TMEM242: variants seen among roughly 807,000 people sequenced by gnomAD.
The protein encoded by TMEM242 is UPF0463 transmembrane protein C6orf35.
Under a neutral mutation model 18.2 loss-of-function variants are expected in TMEM242, and 10 were observed. The observed-to-expected ratio is 0.55, with a 90% CI of 0.34 to 0.93. TMEM242 has a LOEUF of 0.93. Ranked by LOEUF, TMEM242 falls within the 40% of genes least tolerant of loss-of-function variation. The pLI, the probability that TMEM242 is intolerant of heterozygous loss-of-function variation, is 0.02. For synonymous variants in TMEM242, 57 were observed against 69.9 expected (o/e 0.81, Z 0.92); for missense variants, 186 against 175.5 (o/e 1.06, Z -0.34).
At chr6:157,295,592 G>C (rs1344516951) in intron 3 of TMEM242, among the ~76,000 whole-genome samples, 1 of 152,228 alleles carries the variant, frequency 6.6e-6, no homozygotes, top group African/African-American at 2.4e-5. Context: ...GAGGCCAGGG[G>C]AGGAGAGCAA....
chr6:157,310,420 C>A (rs918161320), intron 3 of TMEM242, among the ~76,000 whole-genome samples: 3 of 144,680 alleles, frequency 2.1e-5, no homozygotes, highest in Non-Finnish European at 4.6e-5. Flanking sequence ...ACTCACCTGG[C>A]CTCATCATAG....
At chr6:157,313,358 CTGGCCTCATCA>C in intron 3 of TMEM242, among the ~76,000 whole-genome samples, 1 of 144,498 alleles carries the variant, frequency 6.9e-6, no homozygotes, top group South Asian at 2.2e-4. Flanking sequence ...GTGCGCTCAC[CTGGCCTCATCA>C]TAGTGCCTCA....
At chr6:157,320,998 CTT>C (rs201521248) in intron 2 of TMEM242, among the ~76,000 whole-genome samples, 152 of 135,588 alleles carry the variant, frequency 1.1e-3, no homozygotes, top group African/African-American at 3.1e-3. Flanking sequence ...TTTCCCATTT[CTT>C]TTTTTTTTTT....
chr6:157,306,211 G>C (rs1777917385), intron 3 of TMEM242, among the ~76,000 whole-genome samples: 1 of 152,230 alleles, frequency 6.6e-6, no homozygotes, highest in Admixed American at 6.5e-5. Context: ...GAAAGGCAGT[G>C]TGCGTGTTAA....
chr6:157,312,646 G>C (rs797026731), intron 3 of TMEM242, among the ~76,000 whole-genome samples: 1 of 2,544 alleles, frequency 3.9e-4, no homozygotes, highest in African/African-American at 1.3e-3. Flanking sequence ...GCACTCACCC[G>C]GCCTCATCAT....
At chr6:157,293,259 G>C (rs1777707728) in intron 3 of TMEM242, among the ~76,000 whole-genome samples, 1 of 152,160 alleles carries the variant, frequency 6.6e-6, no homozygotes, top group Non-Finnish European at 1.5e-5. Flanking sequence ...GCTCACACCT[G>C]TAGTCCTAGC....
At chr6:157,322,437 T>C (rs1554250792) in intron 2 of TMEM242, among the ~76,000 whole-genome samples, 1 of 152,186 alleles carries the variant, frequency 6.6e-6, no homozygotes, top group African/African-American at 2.4e-5. Context: ...GGCCCAAATT[T>C]AGATTCAAAG....
intron 3 of TMEM242, among the ~76,000 whole-genome samples, chr6:157,294,036 T>G (rs943687162): frequency 3.3e-5 from 5 of 152,040 alleles, no homozygotes; most frequent in African/African-American, 4.8e-5. Context: ...GATCTTAACA[T>G]GCAGTGTCAC....
At chr6:157,323,326 T>C (rs1778526998) in intron 1 of TMEM242, 86 bp downstream of exon 1, 7 of 1,383,426 alleles carry the variant, frequency 5.1e-6, no homozygotes, top group Admixed American at 3.7e-5. Flanking sequence ...CAGAGCGGGA[T>C]GTGTGTGGGA....
intron 3 of TMEM242, among the ~76,000 whole-genome samples, chr6:157,313,292 G>A (rs797022796): frequency 2.1e-3 from 10 of 4,768 alleles, no homozygotes; most frequent in South Asian, 0.012. Flanking sequence ...GCGCTCATCC[G>A]GCATCATCAT....
chr6:157,306,521 C>T (rs1777920525), intron 3 of TMEM242, among the ~76,000 whole-genome samples: 1 of 152,038 alleles, frequency 6.6e-6, no homozygotes. Flanking sequence ...TAGTTGGGGA[C>T]AAATGACAGT....
At chr6:157,297,215 C>T (rs182548963) in intron 3 of TMEM242, among the ~76,000 whole-genome samples, 5 of 152,314 alleles carry the variant, frequency 3.3e-5, no homozygotes, top group Admixed American at 6.5e-5. Flanking sequence ...AGTGCCATGG[C>T]TGGTAAGAGC....
At chr6:157,300,807 C>T (rs191802501) in intron 3 of TMEM242, among the ~76,000 whole-genome samples, 1 of 152,034 alleles carries the variant, frequency 6.6e-6, no homozygotes, top group African/African-American at 2.4e-5. Flanking sequence ...TTGTGCGTCC[C>T]GAAGAAAAAC....
intron 3 of TMEM242, among the ~76,000 whole-genome samples, chr6:157,311,360 AG>A (rs1562382943): frequency 0.32 from 11,365 of 35,224 alleles, 328 homozygotes; most frequent in East Asian, 0.36. Context: ...GCGCTCACCT[AG>A]CCTCATCATA....
intron 3 of TMEM242, among the ~76,000 whole-genome samples, chr6:157,315,588 C>G (rs1259103952): frequency 6.6e-6 from 1 of 152,150 alleles, no homozygotes; most frequent in Non-Finnish European, 1.5e-5. Flanking sequence ...CCCAGGTACC[C>G]AGCAGAGGCT....
At chr6:157,299,560 C>A in intron 3 of TMEM242, 1 of 1,546,556 alleles carries the variant, frequency 6.5e-7, no homozygotes, top group Non-Finnish European at 8.9e-7. Context: ...AAAATGCACT[C>A]AACTTCCAGG....
At position 157,323,417 on chromosome 6, in the gene TMEM242, A is replaced by C; in HGVS notation, c.83T>G (p.Val28Gly). ...CTCACCACAGCACATCTTACCTTTA[A>C]CCAGGAAAAGCCGGTCATTCGTGGA... is the stretch of plus-strand genomic sequence containing the variant. ...PGSTNDRLFL[V>G]KGGIFLGTVA... The change falls in exon 1 of 4, where the codon GTT (valine) becomes GGT (glycine). Residue 28 changes from valine (V) to glycine (G), a missense_variant. Physicochemically the swap from Val to Gly is moderately radical, Grantham distance 109 (BLOSUM62 -3). Coordinates refer to ENST00000400788, the MANE Select transcript of TMEM242 (RefSeq NM_018452.6). 1 of 1,614,012 alleles carries C rather than the reference A, an allele frequency of 6.2e-7. No homozygotes were observed. The highest frequency in any genetic ancestry group is 8.5e-7 in the Non-Finnish European group (1 of 1,179,926).
At chr6:157,295,674 T>C (rs1777740447) in intron 3 of TMEM242, among the ~76,000 whole-genome samples, 1 of 152,182 alleles carries the variant, frequency 6.6e-6, no homozygotes, top group African/African-American at 2.4e-5. Flanking sequence ...TTTTCTTTCC[T>C]CTAATTTCTC....
chr6:157,307,079 G>A (rs1328550300), intron 3 of TMEM242, among the ~76,000 whole-genome samples: 1 of 152,160 alleles, frequency 6.6e-6, no homozygotes, highest in Non-Finnish European at 1.5e-5. Flanking sequence ...TTAGATATTT[G>A]TAAGTGACTA....
Sources: allele counts gnomAD v4.1 joint callset (sites outside exome capture counted in the v4.1 genomes callset), GRCh38; gene constraint gnomAD v4.1.1; transcripts MANE v1.5; gene names NCBI Gene and HGNC (gene_info 2026-07-23, HGNC 2026-07-21).